NANS: variants seen among roughly 807,000 people sequenced by gnomAD.
NANS encodes the protein N-acetylneuraminate synthase.
A neutral mutation model predicts 33.3 loss-of-function variants in NANS; 29 were observed. The observed-to-expected ratio is 0.87, with a 90% confidence interval of 0.65 to 1.19. The LOEUF is 1.19. Ranked by LOEUF, NANS falls within the 50% of genes most tolerant of loss-of-function variation. NANS has a pLI of 0.00. For synonymous variants in NANS, 163 were observed against 177.2 expected (o/e 0.92, Z 0.64); for missense variants, 394 against 461.1 (o/e 0.85, Z 1.33).
intron 2 of NANS, among the ~76,000 whole-genome samples, chr9:98,067,624 G>T (rs570128384): frequency 6.6e-6 from 1 of 152,024 alleles, no homozygotes; most frequent in Non-Finnish European, 1.5e-5. Context: ...TTCATGTATA[G>T]CCTTCCAATG....
At chr9:98,074,481 C>T (rs180912009) in intron 2 of NANS, among the ~76,000 whole-genome samples, 46 of 152,294 alleles carry the variant, frequency 3.0e-4, no homozygotes, top group Middle Eastern at 3.4e-3. Flanking sequence ...GCGATACTGT[C>T]TTAGGGCTGA....
intron 3 of NANS, 148 bp downstream of exon 3, chr9:98,077,165 G>A (rs1408463197): frequency 1.6e-6 from 1 of 625,172 alleles, no homozygotes; most frequent in South Asian, 2.2e-5. Context: ...GTCTCGCTGT[G>A]TTGGCCAGGT....
intron 2 of NANS, among the ~76,000 whole-genome samples, chr9:98,071,184 C>A (rs142920018): frequency 1.6e-4 from 24 of 152,322 alleles, no homozygotes; most frequent in African/African-American, 3.8e-4. Flanking sequence ...TACACATACC[C>A]CAGCTGTGTG....
rs375797722 is a variant in NANS, at chr9:98,060,849, T to G, written c.200T>G (p.Leu67Trp). The G allele has an allele frequency of 3.1e-6, 5 of 1,614,074 alleles. No homozygotes were observed. Among genetic ancestry groups the G allele is most frequent in the African/African-American group, 1.3e-5 (1 of 74,914 alleles). Residue 67 changes from leucine to tryptophan, a missense_variant, in exon 2 of 6, where the codon TTG becomes TGG. Physicochemically the swap from Leu to Trp is moderately conservative, Grantham distance 61. Transcript: ENST00000210444. ...ELEFKFNRKALERPYTSKHSW... is the reference protein window; with the variant it reads ...ELEFKFNRKAWERPYTSKHSW... ...GAATTCAAGTTTAATCGGAAAGCCTTGGAGAGGCCATACACCTCGAAGCAT... is the reference window on the plus strand; with the variant it reads ...GAATTCAAGTTTAATCGGAAAGCCTGGGAGAGGCCATACACCTCGAAGCAT...
At chr9:98,063,199 G>A (rs1023361232) in intron 2 of NANS, among the ~76,000 whole-genome samples, 7 of 151,304 alleles carry the variant, frequency 4.6e-5, no homozygotes, top group African/African-American at 1.5e-4. Context: ...AAGGTCTGGG[G>A]ATTACGGGTG....
At chr9:98,062,434 C>T (rs972158496) in intron 2 of NANS, among the ~76,000 whole-genome samples, 2 of 152,006 alleles carry the variant, frequency 1.3e-5, no homozygotes, top group Non-Finnish European at 2.9e-5. Flanking sequence ...CCTTAAAATT[C>T]CTTCATGTGT....
At chr9:98,079,269 A>T (rs1013148808) in intron 4 of NANS, among the ~76,000 whole-genome samples, 51 of 152,302 alleles carry the variant, frequency 3.3e-4, no homozygotes, top group African/African-American at 1.1e-3. Context: ...GTAGCACTGG[A>T]AATTTAACTT....
At chr9:98,081,467 G>C (rs1483371592) in intron 5 of NANS, 1 of 190,266 alleles carries the variant, frequency 5.3e-6, no homozygotes, top group Non-Finnish European at 1.1e-5. Context: ...ATTTAGGCAC[G>C]GTGTTCCCTG....
In NANS at chr9:98,078,312, C is replaced by T; in HGVS notation, c.568C>T (p.Leu190Phe). 2 of 1,613,986 alleles carry T rather than the reference C, an allele frequency of 1.2e-6. No individual in the cohort carries two copies. The highest frequency in any genetic ancestry group is 1.7e-6 in the Non-Finnish European group (2 of 1,180,002). Residue 190 changes from leucine to phenylalanine, a missense_variant, in exon 4 of 6, where the codon CTC becomes TTC. Transcript: ENST00000210444. ...CTTGCAGTGTACCAGCGCATACCCG[C>T]TCCAGCCTGAGGACGTCAACCTGCG... ...CFLQCTSAYP[L>F]QPEDVNLRVI...
At position 98,060,664 on chromosome 9, in the gene NANS, C is replaced by CT. The variant is rs1828947387; in HGVS notation, c.133-117dup. ...CCAGCCTGGGTGAAAGAGCGAAACTCTGTCTCTAAATAAATAAATAAATAA... is the reference window on the plus strand; with the variant it reads ...CCAGCCTGGGTGAAAGAGCGAAACTCTTGTCTCTAAATAAATAAATAAATAA... On this transcript the variant is annotated intron_variant, in intron 1 of 5. Coordinates refer to ENST00000210444, the MANE Select transcript of NANS (RefSeq NM_018946.4). The CT allele has an allele frequency of 2.1e-5, 22 of 1,024,488 alleles. No homozygotes were observed. The South Asian group carries it at 3.0e-4, about 14-fold the overall frequency. 63.5% of individuals were successfully genotyped at this position (1,024,488 alleles called of 1,614,324 possible).
Position 98,076,970 on chromosome 9 carries a change from C to T in NANS, c.401C>T (p.Ser134Phe). 1 of 1,611,558 alleles carries T rather than the reference C, an allele frequency of 6.2e-7. No homozygotes were observed. The highest frequency in any genetic ancestry group is 8.5e-7 in the Non-Finnish European group (1 of 1,179,296). The change falls in exon 3 of 6, where the codon TCT (serine) becomes TTT (phenylalanine). Residue 134 changes from serine (S) to phenylalanine (F), a missense_variant. By Grantham distance (155) the Ser-to-Phe change is radical. Coordinates refer to ENST00000210444, the MANE Select transcript of NANS (RefSeq NM_018946.4). The stretch of plus-strand genomic sequence containing the variant: ...AATGTTCCATTTTTCAAAGTTGGAT[C>T]TGGAGACACTAATAATTTTCCTTAT... ...ELNVPFFKVGSGDTNNFPYLE... is the reference protein window; with the variant it reads ...ELNVPFFKVGFGDTNNFPYLE...
intron 2 of NANS, among the ~76,000 whole-genome samples, chr9:98,072,089 T>C (rs1035448144): frequency 1.3e-5 from 2 of 152,198 alleles, no homozygotes; most frequent in African/African-American, 4.8e-5. Context: ...AGTCAGGCTC[T>C]CTGAGCTCAG....
Position 98,083,064 on chromosome 9 carries a change from T to G in NANS, c.*9T>G. The G allele has an allele frequency of 6.2e-7, 1 of 1,612,760 alleles. No individual in the cohort carries two copies. The highest frequency in any genetic ancestry group is 8.5e-7 in the Non-Finnish European group (1 of 1,179,004). ...AAAAAATCAAGTCTTAAAAATAAAG[T>G]GCCATTCTCTGAATTCTCAGTTCCC... On this transcript the variant is annotated 3_prime_UTR_variant, in exon 6 of 6. Transcript: ENST00000210444.
At chr9:98,064,140 A>T (rs1360612788) in intron 2 of NANS, among the ~76,000 whole-genome samples, 1 of 152,226 alleles carries the variant, frequency 6.6e-6, no homozygotes, top group East Asian at 1.9e-4. Context: ...CTAGGCCTCT[A>T]GAGAACTTGG....
chr9:98,057,453 G>A (rs911390807), intron 1 of NANS, among the ~76,000 whole-genome samples: 3 of 152,182 alleles, frequency 2.0e-5, no homozygotes, highest in Non-Finnish European at 4.4e-5. Flanking sequence ...TAAAAGCCGG[G>A]CCTTTGAGTT....
At position 98,057,155 on chromosome 9, in the gene NANS, C is replaced by T. The variant is rs544500944; in HGVS notation, c.132+215C>T. On this transcript the variant is annotated intron_variant, in intron 1 of 5. Coordinates refer to ENST00000210444, the MANE Select transcript of NANS (RefSeq NM_018946.4). ...GCATTACAGCAGCTGCCTCCTAACC[C>T]GACCTGTTTCCTCCCCGTTCTGGTG... Among the ~76,000 whole-genome samples, 13 of 152,370 alleles carry T rather than the reference C, an allele frequency of 8.5e-5. 1 individual carries two copies. The South Asian group carries it at 1.2e-3, about 15-fold the overall frequency.
At chr9:98,076,409 C>G (rs1269398916) in intron 2 of NANS, 1 of 153,254 alleles carries the variant, frequency 6.5e-6, no homozygotes, top group Non-Finnish European at 1.4e-5. Flanking sequence ...GAGTCTCGCT[C>G]TGTGGCCCAG....
rs1829618916 is a variant in NANS at position 98,076,941 on chromosome 9, A to G, written c.372A>G (p.Glu124=). 1 of 1,612,266 alleles carries G rather than the reference A, an allele frequency of 6.2e-7. No individual in the cohort carries two copies. Among genetic ancestry groups the G allele is most frequent in the Admixed American group, 1.7e-5 (1 of 59,660 alleles). ...MDEMAVEFLH[E]LNVPFFKVGS... ...AGATGGCAGTTGAATTCCTGCATGAACTGAATGTTCCATTTTTCAAAGTTG... is the reference window on the plus strand; with the variant it reads ...AGATGGCAGTTGAATTCCTGCATGAGCTGAATGTTCCATTTTTCAAAGTTG... Residue 124 remains glutamate, a synonymous_variant, in exon 3 of 6, where the codon GAA becomes GAG. Coordinates refer to ENST00000210444, the MANE Select transcript of NANS (RefSeq NM_018946.4).
chr9:98,078,318 C>T lies in NANS; in HGVS notation c.574C>T (p.Pro192Ser). 1 of 1,613,988 alleles carries T rather than the reference C, an allele frequency of 6.2e-7. No individual in the cohort carries two copies. The highest frequency in any genetic ancestry group is 8.5e-7 in the Non-Finnish European group (1 of 1,179,998). The change falls in exon 4 of 6, where the codon CCT becomes TCT. Residue 192 changes from proline (P) to serine (S), a missense_variant. Coordinates refer to ENST00000210444, the MANE Select transcript of NANS (RefSeq NM_018946.4). Reference protein sequence around the residue: ...LQCTSAYPLQPEDVNLRVISE... With the variant: ...LQCTSAYPLQSEDVNLRVISE... ...GTGTACCAGCGCATACCCGCTCCAG[C>T]CTGAGGACGTCAACCTGCGGGTCAT...
Sources: gnomAD v4.1 joint callset for allele counts (sites outside exome capture counted in the v4.1 genomes callset) on GRCh38, gnomAD v4.1.1 for gene constraint, MANE v1.5 for transcripts, NCBI Gene and HGNC (gene_info 2026-07-23, HGNC 2026-07-21) for gene names.